The following PRKACB variants were observed in gnomAD, a reference collection of about 807,000 sequenced individuals.
PRKACB encodes cAMP-dependent protein kinase catalytic subunit beta.
Under a neutral mutation model 51.4 loss-of-function variants are expected in PRKACB, and 16 were observed. The observed-to-expected ratio is 0.31, with a 90% CI of 0.21 to 0.47. The LOEUF (loss-of-function observed/expected upper bound fraction) is 0.47. Ranked by LOEUF, PRKACB falls within the 20% of genes least tolerant of loss-of-function variation. The pLI is 1.00. For synonymous variants in PRKACB, 147 were observed against 154.4 expected (o/e 0.95, Z 0.35); for missense variants, 309 against 464.5 (o/e 0.67, Z 3.08).
chr1:84,206,212 G>A (rs1007661422), intron 8 of PRKACB, among the ~76,000 whole-genome samples: 1 of 152,100 alleles, frequency 6.6e-6, no homozygotes, highest in African/African-American at 2.4e-5. Context: ...CACTCCTAAT[G>A]AGTAACAATA....
intron 1 of PRKACB, among the ~76,000 whole-genome samples, chr1:84,177,324 C>A (rs1267759102): frequency 6.6e-6 from 1 of 152,056 alleles, no homozygotes; most frequent in Non-Finnish European, 1.5e-5. Context: ...ATGCCATGTG[C>A]AGATATGTCT....
chr1:84,232,910 T>C (rs1167969731), intron 9 of PRKACB, among the ~76,000 whole-genome samples: 1 of 152,196 alleles, frequency 6.6e-6, no homozygotes, highest in Non-Finnish European at 1.5e-5. Context: ...TTAGTCCATT[T>C]ACATTTAAAG....
At chr1:84,101,302 C>T (rs1649332411) in intron 1 of PRKACB, among the ~76,000 whole-genome samples, 1 of 152,132 alleles carries the variant, frequency 6.6e-6, no homozygotes, top group Admixed American at 6.6e-5. Context: ...GAGTCAGATC[C>T]ACCCAAATTA....
intron 1 of PRKACB, among the ~76,000 whole-genome samples, chr1:84,111,485 G>A (rs887924868): frequency 6.6e-6 from 1 of 152,042 alleles, no homozygotes; most frequent in Non-Finnish European, 1.5e-5. Context: ...TATTAGTATG[G>A]ATTATTAAAG....
intron 5 of PRKACB, among the ~76,000 whole-genome samples, chr1:84,189,795 C>T (rs1239319457): frequency 6.6e-6 from 1 of 151,898 alleles, no homozygotes; most frequent in African/African-American, 2.4e-5. Flanking sequence ...TTAAAAATCA[C>T]AACCTTTTGC....
At chr1:84,234,188 G>T (rs1008768667) in intron 9 of PRKACB, among the ~76,000 whole-genome samples, 1 of 152,044 alleles carries the variant, frequency 6.6e-6, no homozygotes, top group African/African-American at 2.4e-5. Context: ...AGGTGTCAGT[G>T]TTCCCCTGCT....
In PRKACB at chr1:84,125,887, C is replaced by G. The variant is rs945750982; in HGVS notation, c.46+47516C>G. Among the ~76,000 whole-genome samples, 10 of 152,274 alleles carry G rather than the reference C, an allele frequency of 6.6e-5. No individual in the cohort carries two copies. In the East Asian group the frequency reaches 7.7e-4, roughly 12 times the overall value. ...TATTACAACACCCCTCCAGCCCCTT[C>G]CTTCAGAAATGGGATAGTTCCCTTG... On this transcript the variant is annotated intron_variant, in intron 1 of 8. Coordinates refer to the PRKACB transcript ENST00000370688.
intron 4 of PRKACB, 42 bp downstream of exon 4, chr1:84,184,177 A>AT (rs761606537): frequency 9.2e-6 from 14 of 1,528,716 alleles, no homozygotes; most frequent in Admixed American, 6.0e-5. Flanking sequence ...TTCAACCTAA[A>AT]TTTTTTTTAA....
At chr1:84,215,082 G>C (rs537893832) in intron 9 of PRKACB, among the ~76,000 whole-genome samples, 1 of 152,248 alleles carries the variant, frequency 6.6e-6, no homozygotes, top group East Asian at 1.9e-4. Flanking sequence ...TGGCATATTG[G>C]TCTCTCTTTA....
intron 1 of PRKACB, among the ~76,000 whole-genome samples, chr1:84,147,299 A>G (rs1654234125): frequency 6.6e-6 from 1 of 152,034 alleles, no homozygotes; most frequent in African/African-American, 2.4e-5. Flanking sequence ...TAAAGTGGTT[A>G]CAGTAGACCA....
chr1:84,141,108 A>G (rs533895565), upstream of PRKACB, among the ~76,000 whole-genome samples: 68 of 152,108 alleles, frequency 4.5e-4, no homozygotes, highest in Non-Finnish European at 7.5e-4. Context: ...GAAAATTTCT[A>G]TAATTTTAAA....
At chr1:84,225,744 G>C (rs1308454586) in intron 9 of PRKACB, among the ~76,000 whole-genome samples, 2 of 152,138 alleles carry the variant, frequency 1.3e-5, no homozygotes, top group Non-Finnish European at 2.9e-5. Flanking sequence ...GGCTAGGATT[G>C]CAAGAGTCTG....
intron 1 of PRKACB, among the ~76,000 whole-genome samples, chr1:84,113,530 G>C (rs973623809): frequency 4.6e-5 from 7 of 152,064 alleles, no homozygotes; most frequent in Non-Finnish European, 1.0e-4. Context: ...ATAGCCAAGA[G>C]AGCTAAAAAC....
intron 1 of PRKACB, among the ~76,000 whole-genome samples, chr1:84,148,609 A>T (rs1654434301): frequency 6.6e-6 from 1 of 152,214 alleles, no homozygotes; most frequent in African/African-American, 2.4e-5. Context: ...TGCTATTGTG[A>T]TCTTTGCAAT....
chr1:84,095,247 G>GTTT (rs5775776), intron 1 of PRKACB, among the ~76,000 whole-genome samples: 1,970 of 137,108 alleles, frequency 0.014, 53 homozygotes, highest in African/African-American at 0.044. Context: ...CATATTTGCT[G>GTTT]TTTTTTTTTT....
At chr1:84,135,142 CA>C (rs1214023681) in intron 1 of PRKACB, among the ~76,000 whole-genome samples, 3 of 152,056 alleles carry the variant, frequency 2.0e-5, no homozygotes, top group Admixed American at 6.6e-5. Flanking sequence ...TCAGAGAAAA[CA>C]AACTTCAGAG....
intron 9 of PRKACB, among the ~76,000 whole-genome samples, chr1:84,229,772 T>C (rs1183429123): frequency 2.6e-5 from 4 of 151,720 alleles, no homozygotes; most frequent in African/African-American, 9.7e-5. Context: ...CACTTTTTGA[T>C]GGGGTTGTTT....
chr1:84,179,284 T>C, intron 2 of PRKACB, 46 bp downstream of exon 2: 1 of 1,495,916 alleles, frequency 6.7e-7, no homozygotes, highest in Non-Finnish European at 8.9e-7. Flanking sequence ...CTTGTATTAA[T>C]AAAATCAGGA....
chr1:84,203,947 A>G (rs954036129), intron 8 of PRKACB, among the ~76,000 whole-genome samples: 1 of 151,980 alleles, frequency 6.6e-6, no homozygotes, highest in African/African-American at 2.4e-5. Flanking sequence ...TACCCTTGGC[A>G]TCTATCAACT....
Sources: gnomAD v4.1 joint callset for allele counts (sites outside exome capture counted in the v4.1 genomes callset) on GRCh38, gnomAD v4.1.1 for gene constraint, MANE v1.5 for transcripts, NCBI Gene and HGNC (gene_info 2026-07-23, HGNC 2026-07-21) for gene names.